The following CYP2C19 variants were observed in gnomAD, a reference collection of about 807,000 sequenced individuals.
CYP2C19 encodes the protein cytochrome P450 family 2 subfamily C member 19.
Under a neutral mutation model 40.9 loss-of-function variants are expected in CYP2C19, and 59 were observed. That is an observed-to-expected ratio of 1.44 (90% CI 1.17 to 1.79). The LOEUF (loss-of-function observed/expected upper bound fraction) is 1.79, where lower values mean the gene tolerates loss of function less well. Ranked by LOEUF, CYP2C19 falls within the 40% of genes most tolerant of loss-of-function variation. The probability of loss-of-function intolerance (pLI) is 0.00; values close to 1 mark genes in which losing one functional copy is unlikely to be tolerated. For synonymous variants in CYP2C19, 253 were observed against 208.7 expected (o/e 1.21, Z -1.83); for missense variants, 754 against 596.9 (o/e 1.26, Z -2.74).
intron 1 of CYP2C19, among the ~76,000 whole-genome samples, chr10:94,765,594 C>G (rs965364735): frequency 2.0e-5 from 3 of 151,982 alleles, no homozygotes; most frequent in African/African-American, 7.3e-5. Flanking sequence ...CTACTAGGAA[C>G]CATTCAAGAG....
chr10:94,837,461 T>C (rs963658114), intron 6 of CYP2C19, among the ~76,000 whole-genome samples: 1 of 152,278 alleles, frequency 6.6e-6, no homozygotes, highest in Middle Eastern at 3.4e-3. Flanking sequence ...CCAATGGGTG[T>C]TCCTTCTCCT....
intron 5 of CYP2C19, among the ~76,000 whole-genome samples, chr10:94,795,207 A>T (rs975059884): frequency 4.5e-5 from 6 of 131,924 alleles, no homozygotes; most frequent in African/African-American, 1.7e-4. Flanking sequence ...CCTGTGTCCA[A>T]GTGTTCTCAT....
At chr10:94,783,544 T>A (rs542340772) in intron 5 of CYP2C19, among the ~76,000 whole-genome samples, 1 of 152,128 alleles carries the variant, frequency 6.6e-6, no homozygotes, top group Non-Finnish European at 1.5e-5. Flanking sequence ...AAGAGGCTAT[T>A]TTTTCCTCCT....
intron 1 of CYP2C19, among the ~76,000 whole-genome samples, chr10:94,763,281 T>A (rs748746467): frequency 2.6e-5 from 4 of 152,164 alleles, no homozygotes; most frequent in Admixed American, 6.5e-5. Flanking sequence ...TGAACTTCTC[T>A]GAAGAAATAA....
chr10:94,824,490 T>TCA (rs1300876755), intron 6 of CYP2C19, among the ~76,000 whole-genome samples: 1 of 152,134 alleles, frequency 6.6e-6, no homozygotes, highest in South Asian at 2.1e-4. Context: ...TTGCAGACTC[T>TCA]CACACACACA....
intron 6 of CYP2C19, among the ~76,000 whole-genome samples, chr10:94,830,602 A>G (rs887793650): frequency 4.6e-5 from 7 of 152,184 alleles, no homozygotes; most frequent in Admixed American, 1.3e-4. Context: ...GGAAATGCAG[A>G]AATCACCCAT....
intron 1 of CYP2C19, among the ~76,000 whole-genome samples, chr10:94,763,580 T>A (rs990113391): frequency 6.6e-6 from 1 of 151,906 alleles, no homozygotes; most frequent in Non-Finnish European, 1.5e-5. Context: ...ATACAGAGAG[T>A]AAAGGGCTGC....
chr10:94,787,658 G>A (rs1038200300), intron 5 of CYP2C19, among the ~76,000 whole-genome samples: 2 of 151,954 alleles, frequency 1.3e-5, no homozygotes, highest in African/African-American at 2.4e-5. Flanking sequence ...AATCCATTTC[G>A]AGTTAATTTT....
intron 5 of CYP2C19, among the ~76,000 whole-genome samples, chr10:94,816,081 T>A (rs942471645): frequency 6.7e-6 from 1 of 148,578 alleles, no homozygotes; most frequent in Admixed American, 6.7e-5. Context: ...CTAGAGATCT[T>A]CTGCTTATAT....
chr10:94,843,524 G>T (rs1337034208), intron 7 of CYP2C19, among the ~76,000 whole-genome samples: 1 of 152,026 alleles, frequency 6.6e-6, no homozygotes, highest in Non-Finnish European at 1.5e-5. Flanking sequence ...TAATATTTTT[G>T]TTGTTGTTAT....
intron 5 of CYP2C19, among the ~76,000 whole-genome samples, chr10:94,809,585 C>T (rs543482092): frequency 2.0e-5 from 3 of 151,850 alleles, no homozygotes; most frequent in African/African-American, 7.2e-5. Context: ...TTGCCCTGGT[C>T]AGAACTTCCA....
At position 94,796,717 on chromosome 10, in the gene CYP2C19, C is replaced by T. The variant is rs1564667885; in HGVS notation, c.819+14720C>T. On this transcript the variant is annotated intron_variant, in intron 5 of 8. Transcript: ENST00000371321. ...CCTTGAAGAGGTCCTTAACATCACT[C>T]CTAAGTTGGATTCTTAGGTATTTTA... Among the ~76,000 whole-genome samples, 5 of 152,156 alleles carry T rather than the reference C, an allele frequency of 3.3e-5. No homozygotes were observed. In the South Asian group the frequency reaches 1.0e-3, roughly 32 times the overall value.
At chr10:94,829,556 C>A (rs939855182) in intron 6 of CYP2C19, among the ~76,000 whole-genome samples, 1 of 152,164 alleles carries the variant, frequency 6.6e-6, no homozygotes, top group African/African-American at 2.4e-5. Flanking sequence ...ATACCTTCTT[C>A]TAAATTTTTT....
In CYP2C19 at chr10:94,853,897, A is replaced by G. The variant is rs1488808824; in HGVS notation, c.*983A>G. On this transcript the variant is annotated 3_prime_UTR_variant, in exon 9 of 9. Transcript: ENST00000371321. The stretch of plus-strand genomic sequence containing the variant: ...TTATCTCTAAATAAAGAATCAGGTT[A>G]CTTTTATTACTTCATGTTTCCAACT... Among the ~76,000 whole-genome samples the G allele has an allele frequency of 6.6e-6, 1 of 152,134 alleles. No homozygotes were observed. The highest frequency in any genetic ancestry group is 1.5e-5 in the Non-Finnish European group (1 of 68,012).
chr10:94,796,939 A>G (rs184385533), intron 5 of CYP2C19, among the ~76,000 whole-genome samples: 53 of 152,252 alleles, frequency 3.5e-4, no homozygotes, highest in African/African-American at 1.3e-3. Flanking sequence ...ATCTGCAAAC[A>G]GGGACAATTT....
intron 7 of CYP2C19, among the ~76,000 whole-genome samples, chr10:94,845,075 C>A (rs1191448928): frequency 1.3e-5 from 2 of 152,192 alleles, no homozygotes; most frequent in Admixed American, 1.3e-4. Context: ...AAGTGCAGCA[C>A]TGCGTGGCCA....
At chr10:94,816,161 C>G (rs1848998413) in intron 5 of CYP2C19, among the ~76,000 whole-genome samples, 1 of 151,658 alleles carries the variant, frequency 6.6e-6, no homozygotes, top group African/African-American at 2.4e-5. Flanking sequence ...AATTTTTAAG[C>G]AAGCATGGAA....
chr10:94,824,056 T>C (rs1849171838), intron 6 of CYP2C19, among the ~76,000 whole-genome samples: 2 of 152,248 alleles, frequency 1.3e-5, no homozygotes, highest in Admixed American at 1.3e-4. Context: ...CATTTGTAAG[T>C]ATTTCTAACT....
At chr10:94,824,350 CAAA>C (rs983577658) in intron 6 of CYP2C19, among the ~76,000 whole-genome samples, 21 of 151,892 alleles carry the variant, frequency 1.4e-4, no homozygotes, top group Non-Finnish European at 1.2e-4. Context: ...ATATAATCTA[CAAA>C]AAGATAAGTA....
Sources: allele counts gnomAD v4.1 joint callset (sites outside exome capture counted in the v4.1 genomes callset), GRCh38; gene constraint gnomAD v4.1.1; transcripts MANE v1.5; gene names NCBI Gene and HGNC (gene_info 2026-07-23, HGNC 2026-07-21).